BORCS5: variants seen among roughly 807,000 people sequenced by gnomAD.
BORCS5 encodes the protein BLOC-1-related complex subunit 5.
Under a neutral mutation model 22.1 loss-of-function variants are expected in BORCS5, and 17 were observed. The observed-to-expected ratio is 0.77, with a 90% CI of 0.53 to 1.15. The LOEUF is 1.15. Ranked by LOEUF, BORCS5 falls within the 50% of genes most tolerant of loss-of-function variation. The pLI is 0.00. For synonymous variants in BORCS5, 117 were observed against 99.8 expected, an observed-to-expected ratio of 1.17 and a Z score of -1.03; for missense variants, 247 against 253.2, an observed-to-expected ratio of 0.98 and a Z score of 0.17.
At chr12:12,396,916 G>A (rs1188919552) in intron 2 of BORCS5, among the ~76,000 whole-genome samples, 1 of 152,176 alleles carries the variant, frequency 6.6e-6, no homozygotes, top group Non-Finnish European at 1.5e-5. Flanking sequence ...GCATGTGGGT[G>A]GGATGAAGTC....
chr12:12,451,857 G>A (rs1339129118), intron 3 of BORCS5, among the ~76,000 whole-genome samples: 2 of 150,688 alleles, frequency 1.3e-5, no homozygotes, highest in African/African-American at 2.5e-5. Flanking sequence ...GGCGGAGCTT[G>A]CAGTGAGCCG....
chr12:12,361,442 T>A (rs1863284863), intron 2 of BORCS5, 93 bp downstream of exon 2: 1 of 1,410,234 alleles, frequency 7.1e-7, no homozygotes, highest in East Asian at 2.3e-5. Context: ...TCTTGCTCTC[T>A]CATCTCCTTT....
chr12:12,382,842 C>G (rs997410484), intron 2 of BORCS5, among the ~76,000 whole-genome samples: 1 of 150,926 alleles, frequency 6.6e-6, no homozygotes, highest in Non-Finnish European at 1.5e-5. Flanking sequence ...GGGTATGTAT[C>G]TTTTTTTATC....
In BORCS5 at chr12:12,441,622, T is replaced by C. The variant is rs140481815; in HGVS notation, c.360+5837T>C. ...TTGCCATGAATTGGCCCATTTGAAA[T>C]TACTTGATACCAGCAGCTGTCTAAA... On this transcript the variant is annotated intron_variant, in intron 3 of 3. Coordinates refer to ENST00000314565, the MANE Select transcript of BORCS5 (RefSeq NM_058169.6). Among the ~76,000 whole-genome samples the C allele has an allele frequency of 3.3e-5, 5 of 152,236 alleles. No homozygotes were observed. In the East Asian group the frequency reaches 9.7e-4, roughly 29 times the overall value.
Position 12,435,677 on chromosome 12 carries a change from G to A in BORCS5, c.252G>A (p.Leu84=). The part of the protein sequence containing the change: ...TSPTNAKLEK[L]DSQQVLQLCL... ...CAACAAATGCCAAATTGGAGAAACT[G>A]GACTCTCAGCAGGTGTTGCAGCTCT... The change falls in exon 3 of 4, where the codon CTG becomes CTA. Residue 84 remains leucine, a synonymous_variant. Coordinates refer to ENST00000314565, the MANE Select transcript of BORCS5 (RefSeq NM_058169.6). 2.5e-6 allele frequency: 4 copies of A among 1,614,036 alleles called. No individual in the cohort carries two copies. Among genetic ancestry groups the A allele is most frequent in the Non-Finnish European group, 3.4e-6 (4 of 1,179,982 alleles).
chr12:12,381,341 T>A (rs148026469), intron 2 of BORCS5, among the ~76,000 whole-genome samples: 1 of 151,584 alleles, frequency 6.6e-6, no homozygotes, highest in East Asian at 1.9e-4. Context: ...TGATTGCATT[T>A]AGGCCTGTGA....
In BORCS5 at chr12:12,470,640, G is replaced by T. The variant is rs1480992852; in HGVS notation, c.*4864G>T. On this transcript the variant is annotated 3_prime_UTR_variant, in exon 4 of 4. Coordinates refer to ENST00000314565, the MANE Select transcript of BORCS5 (RefSeq NM_058169.6). ...GGGTCCCTGGTGCCAGAAAGGTTGG[G>T]GACTGCTGTCATAAATAACATTGAA... Among the ~76,000 whole-genome samples, 26 of 150,530 alleles carry T rather than the reference G, an allele frequency of 1.7e-4. No homozygotes were observed. Among genetic ancestry groups the T allele is most frequent in the Admixed American group, 1.7e-3 (25 of 15,074 alleles).
At chr12:12,362,192 T>C (rs1863301398) in intron 2 of BORCS5, among the ~76,000 whole-genome samples, 1 of 152,234 alleles carries the variant, frequency 6.6e-6, no homozygotes, top group African/African-American at 2.4e-5. Flanking sequence ...ATTAAATGTG[T>C]TTCAATGATT....
chr12:12,460,071 T>C (rs1432647848), intron 3 of BORCS5, among the ~76,000 whole-genome samples: 2 of 152,246 alleles, frequency 1.3e-5, no homozygotes, highest in African/African-American at 2.4e-5. Context: ...ACTTTTTACT[T>C]GGATTGCAAA....
intron 2 of BORCS5, among the ~76,000 whole-genome samples, chr12:12,377,561 G>A (rs1334069938): frequency 6.6e-6 from 1 of 151,988 alleles, no homozygotes; most frequent in Non-Finnish European, 1.5e-5. Flanking sequence ...CTCAGTAAAT[G>A]CAATTAAGCA....
rs71061052 is a variant in BORCS5, at chr12:12,369,712, C to CTTTTTTTT, written c.202+8386_202+8393dup. Among the ~76,000 whole-genome samples the CTTTTTTTT allele has an allele frequency of 7.4e-3, 318 of 42,946 alleles. 59 individuals are homozygous for CTTTTTTTT. The highest frequency in any genetic ancestry group is 0.026 in the African/African-American group (264 of 10,162). The allele number at this position is 42,946 out of a possible 152,430, so 28.2% of individuals were successfully genotyped here. A position where few individuals can be genotyped will look rare whatever the true frequency, so the allele number is the denominator to read the frequency against. ...GTGTGGTTTCATTCACCCCCCACTTCTTTTTTTTTTTTTTTTTTTTTTTTT... is the reference window on the plus strand; with the variant it reads ...GTGTGGTTTCATTCACCCCCCACTTCTTTTTTTTTTTTTTTTTTTTTTTTTTTTTTTTT... On this transcript the variant is annotated intron_variant, in intron 2 of 3. Transcript: ENST00000314565.
At position 12,468,030 on chromosome 12, in the gene BORCS5, C is replaced by G. The variant is rs78969411; in HGVS notation, c.*2254C>G. The G allele has an allele frequency of 0.063, 9,623 of 152,282 alleles. 433 individuals carry two copies. Among genetic ancestry groups the G allele is most frequent in the East Asian group, 0.17 (878 of 5,164 alleles). The allele number at this position is 152,282 out of a possible 1,614,324, so 9.4% of individuals were successfully genotyped here. A position where few individuals can be genotyped will look rare whatever the true frequency, so the allele number is the denominator to read the frequency against. ...AAGGTTTGGGGATGAGAGACCAGCA[C>G]GGGCTCTGATGAGAGACAGGTGCAG... On this transcript the variant is annotated 3_prime_UTR_variant, in exon 4 of 4. Coordinates refer to ENST00000314565, the MANE Select transcript of BORCS5 (RefSeq NM_058169.6).
At chr12:12,389,585 A>T (rs943997451) in intron 2 of BORCS5, among the ~76,000 whole-genome samples, 1 of 152,092 alleles carries the variant, frequency 6.6e-6, no homozygotes, top group African/African-American at 2.4e-5. Context: ...TGCAGGTATG[A>T]GCTCCTCAGC....
intron 2 of BORCS5, among the ~76,000 whole-genome samples, chr12:12,435,187 C>T (rs1298022228): frequency 6.6e-6 from 1 of 152,154 alleles, no homozygotes; most frequent in East Asian, 1.9e-4. Flanking sequence ...GTTTTTCAGA[C>T]AACCATTTTA....
intron 3 of BORCS5, among the ~76,000 whole-genome samples, chr12:12,459,936 T>C (rs1433091591): frequency 6.6e-6 from 1 of 152,250 alleles, no homozygotes; most frequent in Non-Finnish European, 1.5e-5. Flanking sequence ...TCCTGATTAC[T>C]GTAGTTTTAT....
intron 2 of BORCS5, among the ~76,000 whole-genome samples, chr12:12,373,384 T>C (rs1450814479): frequency 6.6e-6 from 1 of 152,226 alleles, no homozygotes; most frequent in Non-Finnish European, 1.5e-5. Flanking sequence ...TCTTGGAAAC[T>C]GCCTTTAGGT....
At chr12:12,447,657 T>C (rs1000411302) in intron 3 of BORCS5, among the ~76,000 whole-genome samples, 1 of 152,208 alleles carries the variant, frequency 6.6e-6, no homozygotes, top group Non-Finnish European at 1.5e-5. Context: ...TGTAAAATAT[T>C]TACCCACGCA....
At position 12,385,956 on chromosome 12, in the gene BORCS5, A is replaced by T. The variant is rs191332115; in HGVS notation, c.202+24607A>T. Among the ~76,000 whole-genome samples, 3 of 149,376 alleles carry T rather than the reference A, an allele frequency of 2.0e-5. 1 individual carries two copies. The highest frequency in any genetic ancestry group is 6.7e-5 in the Admixed American group (1 of 15,000). ...TACCTTTTGCAGAGAGGATATGTTGATCTCCTCATTTGGATTTATCAAGAA... is the reference window on the plus strand; with the variant it reads ...TACCTTTTGCAGAGAGGATATGTTGTTCTCCTCATTTGGATTTATCAAGAA... On this transcript the variant is annotated intron_variant, in intron 2 of 3. Transcript: ENST00000314565.
At chr12:12,446,232 T>TG (rs1942786827) in intron 3 of BORCS5, among the ~76,000 whole-genome samples, 1 of 151,238 alleles carries the variant, frequency 6.6e-6, no homozygotes, top group African/African-American at 2.4e-5. Context: ...ATAAGATAGA[T>TG]GGCATGTAAG....
Sources: gnomAD v4.1 joint callset for allele counts (sites outside exome capture counted in the v4.1 genomes callset) on GRCh38, gnomAD v4.1.1 for gene constraint, MANE v1.5 for transcripts, NCBI Gene and HGNC (gene_info 2026-07-23, HGNC 2026-07-21) for gene names.